The following NBPF4 variants were observed in gnomAD, a reference collection of about 807,000 sequenced individuals.
NBPF4 encodes NBPF family member NBPF4.
NBPF4 carries 11 observed loss-of-function variants against 21.1 expected under a neutral mutation model. The ratio of observed to expected loss-of-function variants is 0.52; its 90% CI spans 0.33 to 0.86. The LOEUF (loss-of-function observed/expected upper bound fraction) is 0.86. Ranked by LOEUF, NBPF4 falls within the 40% of genes least tolerant of loss-of-function variation. The probability of loss-of-function intolerance (pLI) is 0.03; values close to 1 mark genes in which losing one functional copy is unlikely to be tolerated. For synonymous variants in NBPF4, 47 were observed against 106.4 expected (o/e 0.44, Z 3.43); for missense variants, 88 against 265.3 (o/e 0.33, Z 4.64).
chr1:108,268,372 A>G, the NBPF4 span, among the ~76,000 whole-genome samples: 2 of 151,984 alleles, frequency 1.3e-5, no homozygotes, highest in African/African-American at 4.8e-5. Context: ...AAAAAGTAAG[A>G]AAGTTTCCAA....
At chr1:108,256,112 AT>A in the NBPF4 span, among the ~76,000 whole-genome samples, 1 of 138,120 alleles carries the variant, frequency 7.2e-6, no homozygotes, top group Non-Finnish European at 1.6e-5. Context: ...GAATTTATCT[AT>A]TTTCTCTAGG....
At chr1:108,226,429 T>C (rs1471308743) in intron 14 of NBPF4, among the ~76,000 whole-genome samples, 3 of 150,756 alleles carry the variant, frequency 2.0e-5, no homozygotes, top group African/African-American at 7.4e-5. Context: ...CTGGCTCTCC[T>C]GTGGCCATGA....
chr1:108,222,710 A>C lies in NBPF4; in HGVS notation c.*995T>G, dbSNP rs552902321. ...TAAGATTTTGAGATAGACAATTTTCAATGTACAAACTTAAATATAATAACT... is the reference window on the plus strand; with the variant it reads ...TAAGATTTTGAGATAGACAATTTTCCATGTACAAACTTAAATATAATAACT... On this transcript the variant is annotated 3_prime_UTR_variant, in exon 15 of 15. Transcript: ENST00000415641. Among the ~76,000 whole-genome samples, 10 of 152,330 alleles carry C rather than the reference A, an allele frequency of 6.6e-5. No individual in the cohort carries two copies. The highest frequency in any genetic ancestry group is 1.5e-4 in the Non-Finnish European group (10 of 68,030).
At position 108,229,110 on chromosome 1, in the gene NBPF4, C is replaced by G; in HGVS notation, c.1470G>C (p.Leu490Phe). The stretch of plus-strand genomic sequence containing the variant: ...CTTGCACCTCTGACTGGTGGTGGCT[C>G]AAGTCTCCACTCCAAGTCCCTTGGG... Reference protein sequence around the residue: ...ACPQGTWSGDLSHHQSEVQVS... With the variant: ...ACPQGTWSGDFSHHQSEVQVS... The change falls in exon 13 of 15, where the codon TTG becomes TTC. Residue 490 changes from leucine (L) to phenylalanine (F), a missense_variant. Coordinates refer to ENST00000415641, the MANE Select transcript of NBPF4 (RefSeq NM_001143989.3). The G allele has an allele frequency of 6.4e-7, 1 of 1,551,058 alleles. No homozygotes were observed. The highest frequency in any genetic ancestry group is 8.7e-7 in the Non-Finnish European group (1 of 1,146,524).
the NBPF4 span, among the ~76,000 whole-genome samples, chr1:108,257,541 G>T: frequency 6.7e-6 from 1 of 148,172 alleles, no homozygotes; most frequent in Admixed American, 6.7e-5. Context: ...TTTATATATG[G>T]AGTGACACAC....
At chr1:108,229,384 G>T (rs901339820) in intron 12 of NBPF4, among the ~76,000 whole-genome samples, 1 of 150,228 alleles carries the variant, frequency 6.7e-6, no homozygotes, top group African/African-American at 2.4e-5. Flanking sequence ...AAAAACCTCT[G>T]CTTCAGCCCA....
Position 108,222,784 on chromosome 1 carries a change from A to G in NBPF4, c.*921T>C, listed in dbSNP as rs1017627203. ...GTGATAAAATGTTCTGAAGAAGATC[A>G]CTAGAATACAGGATATTTATACTAT... is the stretch of plus-strand genomic sequence containing the variant. On this transcript the variant is annotated 3_prime_UTR_variant, in exon 15 of 15. Transcript: ENST00000415641. 6.6e-6 allele frequency among the ~76,000 whole-genome samples: 1 copy of G among 152,230 alleles called. No individual in the cohort carries two copies. The highest frequency in any genetic ancestry group is 1.5e-5 in the Non-Finnish European group (1 of 68,042).
At chr1:108,247,667 C>T (rs1336021190), upstream of NBPF4, among the ~76,000 whole-genome samples, 1 of 150,002 alleles carries the variant, frequency 6.7e-6, no homozygotes, top group Non-Finnish European at 1.5e-5. Context: ...TGTTTCTCTC[C>T]CCTGTACCTC....
the NBPF4 span, among the ~76,000 whole-genome samples, chr1:108,268,603 A>C: frequency 3.3e-5 from 5 of 151,712 alleles, no homozygotes; most frequent in Admixed American, 2.0e-4. Context: ...AAACAGTGAA[A>C]GACTTACTTT....
chr1:108,223,802 A>G (rs3879436), intron 14 of NBPF4, 56 bp from the exon 15 acceptor site: 521,667 of 1,380,578 alleles, frequency 0.38, 95,834 homozygotes, highest in South Asian at 0.56. Context: ...GGTCCACCTG[A>G]TGGCTGAGTC....
the NBPF4 span, among the ~76,000 whole-genome samples, chr1:108,258,456 T>C: frequency 7.1e-6 from 1 of 140,138 alleles, no homozygotes; most frequent in South Asian, 2.3e-4. Flanking sequence ...ATAGAATTGA[T>C]TTTTGTATAT....
chr1:108,264,961 C>CTGTT, the NBPF4 span, among the ~76,000 whole-genome samples: 4 of 140,586 alleles, frequency 2.8e-5, no homozygotes, highest in Non-Finnish European at 4.6e-5. Flanking sequence ...AATTGACAGC[C>CTGTT]TAACAGTACA....
chr1:108,246,212 A>G (rs1899165), upstream of NBPF4, among the ~76,000 whole-genome samples: 14,420 of 97,604 alleles, frequency 0.15, 1,722 homozygotes, highest in African/African-American at 0.25. Flanking sequence ...CATGCTTTCC[A>G]CTGGGATTGA....
At chr1:108,268,305 A>G in the NBPF4 span, among the ~76,000 whole-genome samples, 1 of 147,338 alleles carries the variant, frequency 6.8e-6, no homozygotes, top group African/African-American at 2.5e-5. Context: ...TTTAGAGTTT[A>G]CAGTTTTCAT....
At chr1:108,245,890 G>A (rs1006650120), upstream of NBPF4, among the ~76,000 whole-genome samples, 5 of 94,720 alleles carry the variant, frequency 5.3e-5, 1 homozygote, top group Non-Finnish European at 8.3e-5. Flanking sequence ...CATTGGGACC[G>A]AAATTCAGAA....
At chr1:108,252,716 G>T in the NBPF4 span, among the ~76,000 whole-genome samples, 1 of 137,026 alleles carries the variant, frequency 7.3e-6, no homozygotes, top group Non-Finnish European at 1.5e-5. Context: ...TTGAGCTGTT[G>T]TATGCATTTT....
In NBPF4 at chr1:108,223,753, G is replaced by A. The variant is rs3965271; in HGVS notation, c.1876-7C>T. ...TTCCAGCAGTATTTGGTATCTGTAG[G>A]GGAGAGAGAGAAAAAAAATCAAATG... is the stretch of plus-strand genomic sequence containing the variant. On this transcript the variant is annotated splice_region_variant and splice_polypyrimidine_tract_variant and intron_variant, in intron 14 of 14. Transcript: ENST00000415641. 1 of 1,550,312 alleles carries A rather than the reference G, an allele frequency of 6.5e-7. No homozygotes were observed. The highest frequency in any genetic ancestry group is 2.4e-5 in the East Asian group (1 of 40,948).
At chr1:108,226,535 T>C (rs1473905313) in intron 14 of NBPF4, 144 bp downstream of exon 14, 16 of 851,856 alleles carry the variant, frequency 1.9e-5, no homozygotes, top group Non-Finnish European at 2.7e-5. Flanking sequence ...TGGGAGCCCA[T>C]GGGACACAGA....
chr1:108,222,713 G>A lies in NBPF4; in HGVS notation c.*992C>T, dbSNP rs561277642. On this transcript the variant is annotated 3_prime_UTR_variant, in exon 15 of 15. Transcript: ENST00000415641. ...GATTTTGAGATAGACAATTTTCAAT[G>A]TACAAACTTAAATATAATAACTGAC... Among the ~76,000 whole-genome samples, 14 of 152,280 alleles carry A rather than the reference G, an allele frequency of 9.2e-5. No individual in the cohort carries two copies. In the East Asian group the frequency reaches 2.3e-3, roughly 25 times the overall value.
Sources: gnomAD v4.1 joint callset for allele counts (sites outside exome capture counted in the v4.1 genomes callset) on GRCh38, gnomAD v4.1.1 for gene constraint, MANE v1.5 for transcripts, NCBI Gene and HGNC (gene_info 2026-07-23, HGNC 2026-07-21) for gene names.